Variants in THSD4 observed in about 807,000 individuals in gnomAD.
The protein encoded by THSD4 is thrombospondin type-1 domain-containing protein 4.
THSD4 carries 69 observed loss-of-function variants against 119.0 expected under a neutral mutation model. That is an observed-to-expected ratio of 0.58 (90% CI 0.48 to 0.71). The LOEUF (loss-of-function observed/expected upper bound fraction) is 0.71. THSD4 is among the 30% of genes least tolerant of loss of function. The pLI, the probability that THSD4 is intolerant of heterozygous loss-of-function variation, is 0.00. For synonymous variants in THSD4, 524 were observed against 540.4 expected (o/e 0.97, Z 0.42); for missense variants, 1,393 against 1,391.1 (o/e 1.00, Z -0.02).
intron 6 of THSD4, among the ~76,000 whole-genome samples, chr15:71,408,497 T>G (rs1475762252): frequency 6.6e-6 from 1 of 152,132 alleles, no homozygotes; most frequent in Non-Finnish European, 1.5e-5. Context: ...CCTCCAATAG[T>G]GTTGGCATAA....
At chr15:71,431,022 C>T (rs1446326034) in intron 7 of THSD4, among the ~76,000 whole-genome samples, 1 of 152,086 alleles carries the variant, frequency 6.6e-6, no homozygotes, top group Non-Finnish European at 1.5e-5. Flanking sequence ...CAAATAACTA[C>T]ATTACCATAA....
Position 71,413,293 on chromosome 15 carries a change from G to A in THSD4, c.1152+1470G>A, listed in dbSNP as rs1297873821. 4.6e-5 allele frequency among the ~76,000 whole-genome samples: 7 copies of A among 152,294 alleles called. No homozygotes were observed. The South Asian group carries it at 1.0e-3, about 23-fold the overall frequency. ...CTCCTAAAGTGTTGGGTTTACAGGC[G>A]TGAGCCACCGCACCCAGCTTCTACT... On this transcript the variant is annotated intron_variant, in intron 7 of 17. Transcript: ENST00000261862.
intron 7 of THSD4, among the ~76,000 whole-genome samples, chr15:71,506,347 A>G (rs1249915498): frequency 1.3e-5 from 2 of 152,098 alleles, no homozygotes; most frequent in Non-Finnish European, 1.5e-5. Flanking sequence ...CTCCCTCCAA[A>G]CTGCCCAGGG....
chr15:71,444,515 A>G (rs1423004424), intron 7 of THSD4, among the ~76,000 whole-genome samples: 1 of 152,220 alleles, frequency 6.6e-6, no homozygotes, highest in Non-Finnish European at 1.5e-5. Context: ...CCTGAGCACC[A>G]GACTCATCTG....
intron 7 of THSD4, among the ~76,000 whole-genome samples, chr15:71,558,671 A>G (rs2049062641): frequency 6.6e-6 from 1 of 152,026 alleles, no homozygotes; most frequent in Admixed American, 6.5e-5. Flanking sequence ...GGGTCTTTCT[A>G]TGTTGACCAA....
At chr15:71,404,182 A>G (rs1417145007) in intron 6 of THSD4, among the ~76,000 whole-genome samples, 2 of 152,204 alleles carry the variant, frequency 1.3e-5, no homozygotes, top group Non-Finnish European at 2.9e-5. Flanking sequence ...TTATCATGAT[A>G]TGATTGCAAA....
At chr15:71,335,102 G>A (rs1469876821) in intron 6 of THSD4, among the ~76,000 whole-genome samples, 2 of 152,154 alleles carry the variant, frequency 1.3e-5, no homozygotes, top group Non-Finnish European at 2.9e-5. Flanking sequence ...AAACATGTTG[G>A]ATCTGAGAAA....
At chr15:71,354,723 A>G (rs1247658915) in intron 6 of THSD4, among the ~76,000 whole-genome samples, 1 of 152,238 alleles carries the variant, frequency 6.6e-6, no homozygotes, top group Non-Finnish European at 1.5e-5. Flanking sequence ...GGTTTTGGGC[A>G]TGCCACATGA....
chr15:71,427,000 A>G (rs2046879041), intron 7 of THSD4, among the ~76,000 whole-genome samples: 3 of 152,174 alleles, frequency 2.0e-5, no homozygotes, highest in African/African-American at 7.2e-5. Flanking sequence ...CTTTCGGGGC[A>G]CTTGATCTGT....
intron 3 of THSD4, among the ~76,000 whole-genome samples, chr15:71,205,673 T>C (rs919707664): frequency 7.9e-5 from 12 of 152,316 alleles, no homozygotes; most frequent in African/African-American, 2.9e-4. Flanking sequence ...TCTTCCATAC[T>C]GTGAGGTTCT....
At chr15:71,611,268 G>A (rs1018000314) in intron 7 of THSD4, among the ~76,000 whole-genome samples, 1 of 152,122 alleles carries the variant, frequency 6.6e-6, no homozygotes, top group African/African-American at 2.4e-5. Flanking sequence ...TCCTAGTGTT[G>A]CTATGCTGGT....
At chr15:71,488,947 C>T (rs1038524670) in intron 7 of THSD4, among the ~76,000 whole-genome samples, 2 of 152,056 alleles carry the variant, frequency 1.3e-5, no homozygotes, top group African/African-American at 4.8e-5. Flanking sequence ...TATTTCTTTT[C>T]TCTTTTCTAC....
At chr15:71,475,970 G>T (rs1363297563) in intron 7 of THSD4, among the ~76,000 whole-genome samples, 2 of 152,120 alleles carry the variant, frequency 1.3e-5, no homozygotes, top group Non-Finnish European at 2.9e-5. Context: ...GTGGCTAAGA[G>T]ATGGGCTTTG....
chr15:71,746,124 C>T (rs924081484), intron 12 of THSD4, among the ~76,000 whole-genome samples: 1 of 152,058 alleles, frequency 6.6e-6, no homozygotes, highest in Non-Finnish European at 1.5e-5. Flanking sequence ...GGAGGGTTTG[C>T]AAAACTGATA....
At chr15:71,263,286 A>G (rs1290791452) in intron 6 of THSD4, among the ~76,000 whole-genome samples, 4 of 148,526 alleles carry the variant, frequency 2.7e-5, no homozygotes, top group African/African-American at 9.9e-5. Flanking sequence ...TGTCCCTGCA[A>G]AGGACATAAT....
chr15:71,458,112 ATATG>A (rs760828060), intron 7 of THSD4, among the ~76,000 whole-genome samples: 9 of 152,340 alleles, frequency 5.9e-5, no homozygotes, highest in African/African-American at 1.9e-4. Flanking sequence ...ATTTACATTT[ATATG>A]TATATGCATT....
intron 5 of THSD4, among the ~76,000 whole-genome samples, chr15:71,248,505 T>G (rs1228258460): frequency 6.6e-6 from 1 of 152,120 alleles, no homozygotes; most frequent in Non-Finnish European, 1.5e-5. Flanking sequence ...TTAAGGGTCT[T>G]TGCTGCCAAA....
At chr15:71,172,812 C>G (rs921028090) in intron 3 of THSD4, among the ~76,000 whole-genome samples, 7 of 144,700 alleles carry the variant, frequency 4.8e-5, no homozygotes, top group South Asian at 4.4e-4. Flanking sequence ...TATCTATGTG[C>G]AAAAACATGA....
chr15:71,180,806 C>T (rs528961372), intron 3 of THSD4, among the ~76,000 whole-genome samples: 2 of 152,060 alleles, frequency 1.3e-5, no homozygotes, highest in Admixed American at 6.6e-5. Flanking sequence ...CATGAGGGAA[C>T]CTTCCAGGGT....
Sources: allele counts gnomAD v4.1 joint callset (sites outside exome capture counted in the v4.1 genomes callset), GRCh38; gene constraint gnomAD v4.1.1; transcripts MANE v1.5; gene names NCBI Gene and HGNC (gene_info 2026-07-23, HGNC 2026-07-21).